The following GALNT13 variants were observed in gnomAD, a reference collection of about 807,000 sequenced individuals.
The protein encoded by GALNT13 is UDP-GalNAc:polypeptide N-acetylgalactosaminyltransferase 13.
A neutral mutation model predicts 64.2 loss-of-function variants in GALNT13; 28 were observed. The ratio of observed to expected loss-of-function variants is 0.44; its 90% CI spans 0.32 to 0.60. The LOEUF (loss-of-function observed/expected upper bound fraction) is 0.60, where lower values mean the gene tolerates loss of function less well. Among genes scored for constraint, GALNT13 ranks in the 20% least tolerant of loss-of-function variants. GALNT13 has a pLI of 0.05. For missense variants in GALNT13, 577 were observed against 669.8 expected, an observed-to-expected ratio of 0.86 and a Z score of 1.53; for synonymous variants, 214 against 224.6, an observed-to-expected ratio of 0.95 and a Z score of 0.42.
intron 4 of GALNT13, among the ~76,000 whole-genome samples, chr2:154,207,166 T>C (rs993529939): frequency 6.6e-6 from 1 of 152,188 alleles, no homozygotes; most frequent in Non-Finnish European, 1.5e-5. Context: ...AATCCCTAGC[T>C]AAGGTGTACG....
At chr2:153,683,821 C>A in the GALNT13 span, among the ~76,000 whole-genome samples, 1 of 151,704 alleles carries the variant, frequency 6.6e-6, no homozygotes, top group Non-Finnish European at 1.5e-5. Context: ...CTTCTAGGAT[C>A]TGTCTAGCTT....
intron 9 of GALNT13, among the ~76,000 whole-genome samples, chr2:154,387,788 C>T (rs13020473): frequency 0.11 from 16,531 of 152,078 alleles, 1,001 homozygotes; most frequent in Non-Finnish European, 0.14. Flanking sequence ...TGCTTCATTG[C>T]ATAGAATACA....
intron 9 of GALNT13, among the ~76,000 whole-genome samples, chr2:154,386,635 A>C (rs1191137383): frequency 6.6e-6 from 1 of 152,128 alleles, no homozygotes; most frequent in Non-Finnish European, 1.5e-5. Context: ...GATAGGGGTC[A>C]AGATAATGCT....
At chr2:153,820,979 T>C in the GALNT13 span, among the ~76,000 whole-genome samples, 1 of 151,514 alleles carries the variant, frequency 6.6e-6, no homozygotes, top group Admixed American at 6.6e-5. Context: ...ATCTGACACG[T>C]AATGACACCC....
rs189578355 is a variant in GALNT13 at position 154,233,904 on chromosome 2, T to G, written c.312-8126T>G. Among the ~76,000 whole-genome samples the G allele has an allele frequency of 1.4e-3, 212 of 152,256 alleles. 1 individual carries two copies. Among genetic ancestry groups the G allele is most frequent in the African/African-American group, 4.5e-3 (188 of 41,560 alleles). The stretch of plus-strand genomic sequence containing the variant: ...ATCTAAGCAAGCAGGCAAAGTATGA[T>G]CCTCTGGGTTCTTCCAGCTGAAAAT... On this transcript the variant is annotated intron_variant, in intron 4 of 12. Transcript: ENST00000392825.
chr2:153,458,621 T>C, the GALNT13 span, among the ~76,000 whole-genome samples: 2 of 152,194 alleles, frequency 1.3e-5, no homozygotes, highest in African/African-American at 4.8e-5. Context: ...TTGGGTGATA[T>C]AATCTGCGGA....
the GALNT13 span, among the ~76,000 whole-genome samples, chr2:153,491,171 C>T: frequency 6.6e-6 from 1 of 151,836 alleles, no homozygotes; most frequent in Non-Finnish European, 1.5e-5. Flanking sequence ...ATCATTCAAA[C>T]ACAACAATAA....
At chr2:153,256,296 G>A in the GALNT13 span, among the ~76,000 whole-genome samples, 113 of 151,174 alleles carry the variant, frequency 7.5e-4, no homozygotes, top group African/African-American at 2.5e-3. Context: ...CGTAGTTCTC[G>A]AGCCTTGGTT....
the GALNT13 span, among the ~76,000 whole-genome samples, chr2:153,328,936 A>G: frequency 6.6e-6 from 1 of 152,066 alleles, no homozygotes; most frequent in African/African-American, 2.4e-5. Flanking sequence ...CTCTGTTGGT[A>G]TAGGCACCCG....
At chr2:153,206,908 A>G in the GALNT13 span, among the ~76,000 whole-genome samples, 3 of 152,062 alleles carry the variant, frequency 2.0e-5, no homozygotes, top group African/African-American at 7.2e-5. Flanking sequence ...TAAAAATTAC[A>G]ACTCACAGCC....
At chr2:153,577,648 G>T in the GALNT13 span, among the ~76,000 whole-genome samples, 1,811 of 151,896 alleles carry the variant, frequency 0.012, 33 homozygotes, top group African/African-American at 0.041. Flanking sequence ...TTTACAAAAG[G>T]TACTCTTTAG....
At chr2:153,277,672 C>T in the GALNT13 span, among the ~76,000 whole-genome samples, 1 of 151,998 alleles carries the variant, frequency 6.6e-6, no homozygotes, top group South Asian at 2.1e-4. Context: ...CTCACCAACA[C>T]TGTATAAGGA....
the GALNT13 span, among the ~76,000 whole-genome samples, chr2:153,463,857 G>A: frequency 4.6e-5 from 7 of 152,022 alleles, no homozygotes; most frequent in Non-Finnish European, 7.4e-5. Context: ...ATTTTATGAG[G>A]GGAGGTGATG....
chr2:153,660,993 G>T, the GALNT13 span, among the ~76,000 whole-genome samples: 1 of 152,074 alleles, frequency 6.6e-6, no homozygotes, highest in South Asian at 2.1e-4. Context: ...ATAGCTGGAG[G>T]TGATGATATA....
chr2:153,671,896 G>A, the GALNT13 span, among the ~76,000 whole-genome samples: 5 of 152,140 alleles, frequency 3.3e-5, no homozygotes, highest in Non-Finnish European at 7.4e-5. Flanking sequence ...AGCAGGGGTT[G>A]CAATCCTGGT....
chr2:153,960,246 C>A (rs986627358), intron 3 of GALNT13, among the ~76,000 whole-genome samples: 4 of 152,216 alleles, frequency 2.6e-5, no homozygotes, highest in African/African-American at 9.6e-5. Context: ...TCACTGATTG[C>A]TGACTGCTGC....
intron 8 of GALNT13, among the ~76,000 whole-genome samples, chr2:154,291,432 GA>G (rs1692623741): frequency 6.6e-6 from 1 of 152,184 alleles, no homozygotes; most frequent in Non-Finnish European, 1.5e-5. Context: ...TAGCTAGACA[GA>G]AAAGTTCTCC....
chr2:154,407,029 C>T (rs1312822290), intron 10 of GALNT13, among the ~76,000 whole-genome samples: 1 of 152,148 alleles, frequency 6.6e-6, no homozygotes, highest in South Asian at 2.1e-4. Flanking sequence ...AGAGGGCATG[C>T]ATCTCCGATA....
chr2:153,478,184 G>A, the GALNT13 span: 7 of 1,457,650 alleles, frequency 4.8e-6, no homozygotes, highest in South Asian at 6.3e-5. Context: ...GCACAGCCGG[G>A]CTAGCAAAGT....
Sources: gnomAD v4.1 joint callset for allele counts (sites outside exome capture counted in the v4.1 genomes callset) on GRCh38, gnomAD v4.1.1 for gene constraint, MANE v1.5 for transcripts, NCBI Gene and HGNC (gene_info 2026-07-23, HGNC 2026-07-21) for gene names.